The following ATOX1 variants were observed in gnomAD, a reference collection of about 807,000 sequenced individuals.
The protein encoded by ATOX1 is copper transport protein ATOX1.
Under a neutral mutation model 7.3 loss-of-function variants are expected in ATOX1, and 4 were observed. The ratio of observed to expected loss-of-function variants is 0.55; its 90% CI spans 0.27 to 1.25. ATOX1 has a LOEUF of 1.25. ATOX1 is among the 50% of genes most tolerant of loss of function. The probability of loss-of-function intolerance (pLI) is 0.12; values close to 1 mark genes in which losing one functional copy is unlikely to be tolerated. For synonymous variants in ATOX1, 25 were observed against 28.7 expected, an observed-to-expected ratio of 0.87 and a Z score of 0.41; for missense variants, 68 against 81.6, an observed-to-expected ratio of 0.83 and a Z score of 0.64.
At chr5:151,756,953 C>T (rs1184965513) in intron 1 of ATOX1, among the ~76,000 whole-genome samples, 1 of 152,182 alleles carries the variant, frequency 6.6e-6, no homozygotes, top group African/African-American at 2.4e-5. Flanking sequence ...GAAATCAAGG[C>T]AGTGAGATAA....
intron 1 of ATOX1, among the ~76,000 whole-genome samples, chr5:151,752,734 G>A (rs1761967780): frequency 1.3e-5 from 2 of 152,106 alleles, no homozygotes; most frequent in Non-Finnish European, 2.9e-5. Flanking sequence ...TACCAGCTCT[G>A]GCACTACTAG....
At chr5:151,756,343 G>A (rs1169172692) in intron 1 of ATOX1, among the ~76,000 whole-genome samples, 4 of 152,066 alleles carry the variant, frequency 2.6e-5, no homozygotes, top group Non-Finnish European at 4.4e-5. Context: ...AACATAGTCA[G>A]CCTCTAAAAC....
At chr5:151,746,219 T>C in intron 3 of ATOX1, 60 bp downstream of exon 3, 1 of 1,473,610 alleles carries the variant, frequency 6.8e-7, no homozygotes, top group Non-Finnish European at 9.1e-7. Context: ...GCCAAGGTGT[T>C]CGCTCTGATG....
intron 1 of ATOX1, among the ~76,000 whole-genome samples, chr5:151,753,529 G>C (rs28917189): frequency 0.015 from 2,360 of 152,266 alleles, 54 homozygotes; most frequent in African/African-American, 0.052. Flanking sequence ...CAAAATATTT[G>C]AAGTCTATTA....
At chr5:151,743,792 T>C (rs1266165693) in intron 3 of ATOX1, 1 of 152,204 alleles carries the variant, frequency 6.6e-6, no homozygotes, top group Non-Finnish European at 1.5e-5. Context: ...CCTTAATTCC[T>C]TCTTGTCACA....
At chr5:151,752,038 A>G (rs1272523283) in intron 1 of ATOX1, 2 of 597,204 alleles carry the variant, frequency 3.3e-6, no homozygotes, top group Non-Finnish European at 5.9e-6. Flanking sequence ...AGTAAATAGA[A>G]TCACCTGGAG....
intron 1 of ATOX1, chr5:151,752,186 C>T (rs1761959127): frequency 2.9e-6 from 2 of 697,898 alleles, no homozygotes; most frequent in Non-Finnish European, 2.6e-6. Context: ...GGTGGGCCCA[C>T]TTATGAACCA....
At chr5:151,752,780 T>C (rs1761968130) in intron 1 of ATOX1, among the ~76,000 whole-genome samples, 1 of 152,200 alleles carries the variant, frequency 6.6e-6, no homozygotes, top group African/African-American at 2.4e-5. Context: ...CTCTGTGCCT[T>C]AGTTTCCACA....
intron 1 of ATOX1, among the ~76,000 whole-genome samples, chr5:151,752,809 G>A (rs999422706): frequency 6.6e-6 from 1 of 152,114 alleles, no homozygotes; most frequent in African/African-American, 2.4e-5. Context: ...TTGAGGGTAA[G>A]AGTCCCTCTC....
chr5:151,746,128 A>T, intron 3 of ATOX1, 151 bp downstream of exon 3: 1 of 625,502 alleles, frequency 1.6e-6, no homozygotes, highest in Non-Finnish European at 2.6e-6. Context: ...ATAATAAAAT[A>T]TTTGTAACCA....
chr5:151,743,902 C>T (rs1761850556), intron 3 of ATOX1: 1 of 152,110 alleles, frequency 6.6e-6, no homozygotes, highest in Non-Finnish European at 1.5e-5. Context: ...ACTCTACTTA[C>T]ACATGTTTGA....
chr5:151,748,034 T>C (rs983500253), intron 2 of ATOX1, among the ~76,000 whole-genome samples: 2 of 152,246 alleles, frequency 1.3e-5, no homozygotes, highest in Non-Finnish European at 1.5e-5. Flanking sequence ...GAACTTGTCT[T>C]AAAACACTTA....
At chr5:151,744,368 A>G (rs568314880) in intron 3 of ATOX1, 109 of 152,368 alleles carry the variant, frequency 7.2e-4, no homozygotes, top group African/African-American at 2.5e-3. Context: ...GTCATCACCA[A>G]GGTTTGATTT....
At chr5:151,743,938 G>C (rs971811754) in intron 3 of ATOX1, 1 of 152,092 alleles carries the variant, frequency 6.6e-6, no homozygotes, top group Admixed American at 6.6e-5. Context: ...AAAATCTAAA[G>C]TAGATTAAAA....
intron 1 of ATOX1, 70 bp downstream of exon 1, chr5:151,758,476 A>G: frequency 1.4e-6 from 2 of 1,455,812 alleles, no homozygotes; most frequent in Non-Finnish European, 1.8e-6. Context: ...GCATCCGGTC[A>G]AGCGGCTGTG....
chr5:151,747,421 G>C (rs1761892262), intron 2 of ATOX1, among the ~76,000 whole-genome samples: 1 of 151,692 alleles, frequency 6.6e-6, no homozygotes, highest in Non-Finnish European at 1.5e-5. Context: ...AAGTTGTTGT[G>C]ACTACAGGCA....
rs748285748 is a variant in ATOX1, at chr5:151,742,905, C to T, written c.*101G>A. 6.6e-6 allele frequency: 1 copy of T among 152,458 alleles called. No homozygotes were observed. The highest frequency in any genetic ancestry group is 2.4e-5 in the African/African-American group (1 of 41,604). 9.4% of individuals were successfully genotyped at this position (152,458 alleles called of 1,614,324 possible). On this transcript the variant is annotated 3_prime_UTR_variant, in exon 4 of 4. Coordinates refer to ENST00000313115, the MANE Select transcript of ATOX1 (RefSeq NM_004045.4). ...GGGTCTCCGCAGGAACACCATCACC[C>T]GGCATGACTGCCAAGTCCCAGGTCT...
chr5:151,745,834 A>G, intron 3 of ATOX1: 1 of 153,598 alleles, frequency 6.5e-6, no homozygotes, highest in Non-Finnish European at 1.5e-5. Flanking sequence ...AGGCAGGAGC[A>G]TCACTTGAGC....
intron 1 of ATOX1, among the ~76,000 whole-genome samples, chr5:151,756,027 C>T (rs1282532614): frequency 1.3e-5 from 2 of 151,038 alleles, no homozygotes; most frequent in East Asian, 1.9e-4. Context: ...CTGCAACCTC[C>T]GCCTCCTGGG....
Sources: gnomAD v4.1 joint callset for allele counts (sites outside exome capture counted in the v4.1 genomes callset) on GRCh38, gnomAD v4.1.1 for gene constraint, MANE v1.5 for transcripts, NCBI Gene and HGNC (gene_info 2026-07-23, HGNC 2026-07-21) for gene names.